Variants in CECR2 observed in about 807,000 individuals in gnomAD.
The protein encoded by CECR2 is chromatin remodeling regulator CECR2.
A neutral mutation model predicts 154.5 loss-of-function variants in CECR2; 30 were observed. The observed-to-expected ratio is 0.19, with a 90% CI of 0.15 to 0.26. The LOEUF (loss-of-function observed/expected upper bound fraction) is 0.26, where lower values mean the gene tolerates loss of function less well. CECR2 is among the 10% of genes least tolerant of loss of function. The pLI is 1.00. For missense variants in CECR2, 1,743 were observed against 1,829.3 expected (o/e 0.95, Z 0.86); for synonymous variants, 725 against 683.7 (o/e 1.06, Z -0.94).
At chr22:17,467,016 A>G (rs979131043) in intron 1 of CECR2, among the ~76,000 whole-genome samples, 1 of 152,098 alleles carries the variant, frequency 6.6e-6, no homozygotes, top group African/African-American at 2.4e-5. Context: ...AGCCACAGAA[A>G]CATCGGGGGA....
In CECR2 at chr22:17,549,403, T is replaced by A; in HGVS notation, c.4116T>A (p.Pro1372=). The change falls in exon 17 of 19, where the codon CCT becomes CCA. Residue 1372 remains proline, a synonymous_variant. Coordinates refer to ENST00000262608, the MANE Select transcript of CECR2 (RefSeq NM_001290047.2). ...CTTCCCCTGTGGCTGCCCTCCCACCTCACCACCCAGGGGCCACCCAGCCCA... is the reference window on the plus strand; with the variant it reads ...CTTCCCCTGTGGCTGCCCTCCCACCACACCACCCAGGGGCCACCCAGCCCA... ...AYSSPVAALP[P]HHPGATQPNG... The A allele has an allele frequency of 6.2e-7, 1 of 1,613,646 alleles. No homozygotes were observed. The highest frequency in any genetic ancestry group is 8.5e-7 in the Non-Finnish European group (1 of 1,179,798).
chr22:17,371,689 C>G (rs1039104058), intron 1 of CECR2, among the ~76,000 whole-genome samples: 1 of 152,134 alleles, frequency 6.6e-6, no homozygotes, highest in African/African-American at 2.4e-5. Flanking sequence ...GGTAAACTTG[C>G]ACCTAGTCCC....
intron 7 of CECR2, among the ~76,000 whole-genome samples, chr22:17,510,330 A>G (rs2055920564): frequency 6.6e-6 from 1 of 152,114 alleles, no homozygotes; most frequent in African/African-American, 2.4e-5. Context: ...TAGAGTCTTG[A>G]GGCTTATAAA....
Position 17,549,602 on chromosome 22 carries a change from A to C in CECR2, c.4277+38A>C, listed in dbSNP as rs745937699. On this transcript the variant is annotated intron_variant, in intron 17 of 18. Coordinates refer to ENST00000262608, the MANE Select transcript of CECR2 (RefSeq NM_001290047.2). ...TCAGGCTTTTCCCCCTAAAGAGAGA[A>C]CAGATGTTTATTTTATGTATTTATT... 4.2e-6 allele frequency: 6 copies of C among 1,431,970 alleles called. No homozygotes were observed. The South Asian group carries it at 8.1e-5, about 19-fold the overall frequency. The allele number at this position is 1,431,970 out of a possible 1,614,324, so 88.7% of individuals were successfully genotyped here.
chr22:17,538,382 G>A, intron 10 of CECR2, 138 bp from the exon 11 acceptor site: 1 of 763,140 alleles, frequency 1.3e-6, no homozygotes, highest in South Asian at 1.6e-5. Flanking sequence ...TGTTATCAGT[G>A]TCACAGGCTC....
At position 17,548,584 on chromosome 22, in the gene CECR2, G is replaced by A. The variant is rs190600851; in HGVS notation, c.3297G>A (p.Ala1099=). 5.5e-5 allele frequency: 89 copies of A among 1,613,598 alleles called. No individual in the cohort carries two copies. The East Asian group carries it at 1.3e-3, about 24-fold the overall frequency. Residue 1099 remains alanine, a synonymous_variant, in exon 17 of 19, where the codon GCG becomes GCA. Transcript: ENST00000262608. ...TGCCATGCACGGGACAGAACGCAGC[G>A]ACACCGCCCAGCACAGACCCCGGTT... ...ETMPCTGQNA[A]TPPSTDPGLT... is the part of the protein sequence containing the mutation.
At chr22:17,457,317 G>A (rs1408158492) in intron 1 of CECR2, among the ~76,000 whole-genome samples, 1 of 152,232 alleles carries the variant, frequency 6.6e-6, no homozygotes, top group African/African-American at 2.4e-5. Flanking sequence ...GTGAGCCACT[G>A]CGCCTGGCCT....
chr22:17,543,386 G>T lies in CECR2; in HGVS notation c.2860+383G>T, dbSNP rs111873318. Among the ~76,000 whole-genome samples, 212 of 151,672 alleles carry T rather than the reference G, an allele frequency of 1.4e-3. 1 individual carries two copies. Among genetic ancestry groups the T allele is most frequent in the East Asian group, 2.5e-3 (13 of 5,116 alleles). ...CGTGACCTTGTGACCTGCCCCCGTCGGCCTCCCAAAGTACTGGGATTACAG... is the reference window on the plus strand; with the variant it reads ...CGTGACCTTGTGACCTGCCCCCGTCTGCCTCCCAAAGTACTGGGATTACAG... On this transcript the variant is annotated intron_variant, in intron 16 of 18. Coordinates refer to ENST00000262608, the MANE Select transcript of CECR2 (RefSeq NM_001290047.2).
chr22:17,550,555 GAC>G (rs1392951379), intron 17 of CECR2: 1 of 152,404 alleles, frequency 6.6e-6, no homozygotes, highest in Admixed American at 6.5e-5. Context: ...GTCCCCATGA[GAC>G]TTCTTTCACA....
chr22:17,378,205 G>A (rs941036795), intron 1 of CECR2, among the ~76,000 whole-genome samples: 21 of 146,536 alleles, frequency 1.4e-4, no homozygotes, highest in East Asian at 2.0e-4. Context: ...GGATGGTCTG[G>A]ATCTCCTAAC....
rs1488278425 is a variant in CECR2 at position 17,549,057 on chromosome 22, C to T, written c.3770C>T (p.Thr1257Ile). 1 of 1,613,920 alleles carries T rather than the reference C, an allele frequency of 6.2e-7. No individual in the cohort carries two copies. The highest frequency in any genetic ancestry group is 1.1e-5 in the South Asian group (1 of 91,086). ...TGTGAGACACTGAATGCTGCCTTAACTTCTCCAACCCGTATGGATGCAGTG... is the reference window on the plus strand; with the variant it reads ...TGTGAGACACTGAATGCTGCCTTAATTTCTCCAACCCGTATGGATGCAGTG... ...QGCETLNAAL[T>I]SPTRMDAVAA... is the part of the protein sequence containing the mutation. The change falls in exon 17 of 19, where the codon ACT (threonine) becomes ATT (isoleucine). Residue 1257 changes from threonine to isoleucine, a missense_variant. By Grantham distance (89) the Thr-to-Ile change is moderately conservative. Around this residue, in one of 4 missense-constraint regions of CECR2, gnomAD observed 1,250 missense variants for 1,192.1 expected, o/e 1.05. Coordinates refer to ENST00000262608, the MANE Select transcript of CECR2 (RefSeq NM_001290047.2).
At chr22:17,475,837 G>A (rs1325795998) in intron 1 of CECR2, among the ~76,000 whole-genome samples, 1 of 151,918 alleles carries the variant, frequency 6.6e-6, no homozygotes, top group African/African-American at 2.4e-5. Context: ...CTATTTCTCC[G>A]TTCTCTCATT....
At position 17,399,394 on chromosome 22, in the gene CECR2, T is replaced by G. The variant is rs1601287918; in HGVS notation, c.126+29485T>G. Among the ~76,000 whole-genome samples, 3 of 150,686 alleles carry G rather than the reference T, an allele frequency of 2.0e-5. No individual in the cohort carries two copies. In the South Asian group the frequency reaches 6.3e-4, roughly 31 times the overall value. On this transcript the variant is annotated intron_variant, in intron 1 of 18. Transcript: ENST00000262608. ...GAAGGGTGCTTAGGGTTTGGATTAGTGGAGGAGTTGAAGTAATGGTGATTT... is the reference window on the plus strand; with the variant it reads ...GAAGGGTGCTTAGGGTTTGGATTAGGGGAGGAGTTGAAGTAATGGTGATTT...
chr22:17,378,774 A>G (rs1414910271), intron 1 of CECR2, among the ~76,000 whole-genome samples: 1 of 152,184 alleles, frequency 6.6e-6, no homozygotes, highest in East Asian at 1.9e-4. Flanking sequence ...TGGTCATTGT[A>G]TAGAAGGTAC....
chr22:17,516,022 T>G (rs1430295538), intron 8 of CECR2, among the ~76,000 whole-genome samples: 2 of 152,242 alleles, frequency 1.3e-5, no homozygotes, highest in South Asian at 4.2e-4. Flanking sequence ...GTCAAATGGT[T>G]TAAACTGTGA....
intron 1 of CECR2, among the ~76,000 whole-genome samples, chr22:17,370,322 G>T (rs1477960699): frequency 4.7e-5 from 7 of 150,174 alleles, no homozygotes; most frequent in African/African-American, 1.2e-4. Context: ...CCGGGCGCGG[G>T]GGGGGGGCCC....
chr22:17,493,011 G>A (rs537706438), intron 2 of CECR2, among the ~76,000 whole-genome samples: 1 of 151,786 alleles, frequency 6.6e-6, no homozygotes, highest in Non-Finnish European at 1.5e-5. Flanking sequence ...TGGCTCTGTC[G>A]CCCAGGCTGG....
intron 2 of CECR2, among the ~76,000 whole-genome samples, chr22:17,484,784 A>T (rs2055391115): frequency 2.0e-5 from 3 of 152,162 alleles, no homozygotes. Context: ...AGGCTGAGGC[A>T]TGAGAATTGC....
chr22:17,414,096 C>T (rs905432661), intron 1 of CECR2, among the ~76,000 whole-genome samples: 3 of 152,002 alleles, frequency 2.0e-5, no homozygotes, highest in African/African-American at 7.3e-5. Flanking sequence ...CCTCAGCCTT[C>T]TGAGTAGCTG....
Sources: gnomAD v4.1 joint callset for allele counts (sites outside exome capture counted in the v4.1 genomes callset) on GRCh38, gnomAD v4.1.1 for gene constraint, gnomAD v4.1.1 regional missense constraint, MANE v1.5 for transcripts, NCBI Gene and HGNC (gene_info 2026-07-23, HGNC 2026-07-21) for gene names.